TSPAN9: variants seen among roughly 807,000 people sequenced by gnomAD.
TSPAN9 encodes the protein tetraspanin-9.
TSPAN9 carries 16 observed loss-of-function variants against 31.0 expected under a neutral mutation model. The observed-to-expected ratio is 0.52, with a 90% confidence interval of 0.35 to 0.78. TSPAN9 has a LOEUF of 0.78. Among genes scored for constraint, TSPAN9 ranks in the 30% least tolerant of loss-of-function variants. TSPAN9 has a pLI of 0.01. For missense variants in TSPAN9, 272 were observed against 312.5 expected, an observed-to-expected ratio of 0.87 and a Z score of 0.98; for synonymous variants, 145 against 121.6, an observed-to-expected ratio of 1.19 and a Z score of -1.27.
intron 2 of TSPAN9, among the ~76,000 whole-genome samples, chr12:3,158,288 G>A (rs907089886): frequency 6.6e-6 from 1 of 152,170 alleles, no homozygotes; most frequent in African/African-American, 2.4e-5. Context: ...TGCTGCCTGT[G>A]GATGGAGCTA....
chr12:3,088,074 T>G (rs2098301583), intron 2 of TSPAN9, among the ~76,000 whole-genome samples: 2 of 152,182 alleles, frequency 1.3e-5, no homozygotes, highest in East Asian at 3.9e-4. Context: ...AGGGGCAGGG[T>G]GCCCAGCTGA....
At chr12:3,150,817 T>G (rs1476155062) in intron 2 of TSPAN9, among the ~76,000 whole-genome samples, 1 of 152,144 alleles carries the variant, frequency 6.6e-6, no homozygotes, top group African/African-American at 2.4e-5. Flanking sequence ...AGCCCTCCCC[T>G]GTCCTGTGCC....
chr12:3,094,540 T>TG (rs200820004), intron 2 of TSPAN9, among the ~76,000 whole-genome samples: 7 of 95,336 alleles, frequency 7.3e-5, no homozygotes, highest in South Asian at 6.0e-4. Context: ...TTGTTGTTGT[T>TG]TTTTTTTTTT....
chr12:3,232,696 C>T (rs1455864383), intron 3 of TSPAN9, among the ~76,000 whole-genome samples: 1 of 152,196 alleles, frequency 6.6e-6, no homozygotes, highest in African/African-American at 2.4e-5. Flanking sequence ...GTGATGCTGG[C>T]GCATCCAGCC....
chr12:3,214,707 A>T (rs1195906091), intron 3 of TSPAN9, among the ~76,000 whole-genome samples: 1 of 150,750 alleles, frequency 6.6e-6, no homozygotes, highest in Non-Finnish European at 1.5e-5. Context: ...CCCTCTAAGC[A>T]GGTAATGAGG....
chr12:3,230,149 CCCCA>C, intron 3 of TSPAN9, among the ~76,000 whole-genome samples: 1 of 152,342 alleles, frequency 6.6e-6, no homozygotes, highest in South Asian at 2.1e-4. Flanking sequence ...ATGGAGGCGT[CCCCA>C]TCACTGGTCT....
intron 3 of TSPAN9, among the ~76,000 whole-genome samples, chr12:3,224,079 TA>T (rs35368694): frequency 0.063 from 9,459 of 150,848 alleles, 958 homozygotes; most frequent in African/African-American, 0.21. Flanking sequence ...CTCATCCTAG[TA>T]AAAAAAAAAA....
At chr12:3,167,171 A>G (rs1317245706) in intron 2 of TSPAN9, among the ~76,000 whole-genome samples, 2 of 151,996 alleles carry the variant, frequency 1.3e-5, no homozygotes, top group African/African-American at 4.8e-5. Context: ...TCTCAACATT[A>G]AAAAAAATAA....
chr12:3,275,779 C>G (rs1345505849), intron 3 of TSPAN9, among the ~76,000 whole-genome samples: 1 of 152,232 alleles, frequency 6.6e-6, no homozygotes, highest in Non-Finnish European at 1.5e-5. Flanking sequence ...CACAGGCCCA[C>G]TCTCCACAGT....
intron 2 of TSPAN9, among the ~76,000 whole-genome samples, chr12:3,122,074 G>T (rs994809883): frequency 2.0e-5 from 3 of 152,040 alleles, no homozygotes; most frequent in Non-Finnish European, 4.4e-5. Context: ...CGTGGCTCAC[G>T]CCTGTAATCC....
At chr12:3,176,472 C>A (rs1450949174) in intron 2 of TSPAN9, among the ~76,000 whole-genome samples, 1 of 152,246 alleles carries the variant, frequency 6.6e-6, no homozygotes, top group East Asian at 1.9e-4. Flanking sequence ...TGGGGATTGT[C>A]ACATCCGTGT....
At chr12:3,096,249 C>T (rs1385133215) in intron 2 of TSPAN9, among the ~76,000 whole-genome samples, 1 of 152,232 alleles carries the variant, frequency 6.6e-6, no homozygotes, top group Non-Finnish European at 1.5e-5. Context: ...AGGGACTGGT[C>T]TGTGCACCCT....
intron 3 of TSPAN9, among the ~76,000 whole-genome samples, chr12:3,220,577 T>TA (rs1174357401): frequency 3.3e-5 from 5 of 152,078 alleles, no homozygotes; most frequent in Admixed American, 2.6e-4. Context: ...GGCTGGGAGG[T>TA]GGAGGCATGG....
chr12:3,106,819 C>A (rs572611652), intron 2 of TSPAN9, among the ~76,000 whole-genome samples: 53 of 152,164 alleles, frequency 3.5e-4, no homozygotes, highest in Non-Finnish European at 6.9e-4. Flanking sequence ...CCTCCCTAGG[C>A]TTCCTGGCTA....
At chr12:3,178,546 CT>C (rs1471961356) in intron 2 of TSPAN9, among the ~76,000 whole-genome samples, 1 of 152,212 alleles carries the variant, frequency 6.6e-6, no homozygotes, top group African/African-American at 2.4e-5. Flanking sequence ...CCGCCTTGGC[CT>C]CCCAAAGTGC....
intron 2 of TSPAN9, among the ~76,000 whole-genome samples, chr12:3,087,693 A>C (rs1208040845): frequency 6.7e-6 from 1 of 149,982 alleles, no homozygotes; most frequent in Non-Finnish European, 1.5e-5. Context: ...GTAATACCAG[A>C]TACTCGGGAG....
rs1591723405 is a variant in TSPAN9, at chr12:3,280,227, C to T, written c.331-155C>T. On this transcript the variant is annotated intron_variant, in intron 5 of 8. Coordinates refer to ENST00000011898, the MANE Select transcript of TSPAN9 (RefSeq NM_006675.5). This position sits in a 1 kb window ranked among gnomAD's most constrained non-coding sequence, Gnocchi z 4.5. ...GCACCTCTGTTGGGCCAGCAGAGGC[C>T]CCCACCCCAGTGGGCAGGGCCTTCC... 2.0e-5 allele frequency among the ~76,000 whole-genome samples: 3 copies of T among 152,194 alleles called. No individual in the cohort carries two copies.
chr12:3,234,061 C>T (rs1021089474), intron 3 of TSPAN9, among the ~76,000 whole-genome samples: 7 of 152,146 alleles, frequency 4.6e-5, no homozygotes, highest in Non-Finnish European at 7.4e-5. Flanking sequence ...AGGGCTGAGA[C>T]GTCCTCGAAG....
intron 2 of TSPAN9, among the ~76,000 whole-genome samples, chr12:3,121,533 CTTTTTTTT>C (rs59376087): frequency 1.3e-4 from 12 of 92,916 alleles, no homozygotes; most frequent in South Asian, 3.8e-4. Context: ...CTAATTAAAA[CTTTTTTTT>C]TTTTTTTTTT....
Sources: allele counts gnomAD v4.1 joint callset (sites outside exome capture counted in the v4.1 genomes callset), GRCh38; gene constraint gnomAD v4.1.1; non-coding constraint Gnocchi (gnomAD v3.1); transcripts MANE v1.5; gene names NCBI Gene and HGNC (gene_info 2026-07-23, HGNC 2026-07-21).